Variants in PRKN observed in about 807,000 individuals in gnomAD.
PRKN encodes the protein E3 ubiquitin-protein ligase parkin.
A neutral mutation model predicts 59.5 loss-of-function variants in PRKN; 56 were observed. That is an observed-to-expected ratio of 0.94 (90% CI 0.76 to 1.18). The LOEUF (loss-of-function observed/expected upper bound fraction) is 1.18, where lower values mean the gene tolerates loss of function less well. Among genes scored for constraint, PRKN ranks in the 50% most tolerant of loss-of-function variants. The pLI, the probability that PRKN is intolerant of heterozygous loss-of-function variation, is 0.00. For missense variants in PRKN, 657 were observed against 596.4 expected, an observed-to-expected ratio of 1.10 and a Z score of -1.06; for synonymous variants, 250 against 222.1, an observed-to-expected ratio of 1.13 and a Z score of -1.12.
At chr6:162,273,403 T>C (rs1174414234) in intron 2 of PRKN, among the ~76,000 whole-genome samples, 1 of 152,124 alleles carries the variant, frequency 6.6e-6, no homozygotes, top group Non-Finnish European at 1.5e-5. Flanking sequence ...CAGAAACATA[T>C]TGAGCTGACA....
intron 1 of PRKN, among the ~76,000 whole-genome samples, chr6:162,497,639 A>G (rs1793126200): frequency 6.6e-6 from 1 of 152,226 alleles, no homozygotes; most frequent in African/African-American, 2.4e-5. Context: ...TTGTGCCTGA[A>G]TAAAGCTCTG....
chr6:162,384,358 G>A (rs757196722), intron 2 of PRKN, among the ~76,000 whole-genome samples: 4 of 152,028 alleles, frequency 2.6e-5, no homozygotes, highest in African/African-American at 9.7e-5. Flanking sequence ...TTTTGTCTCC[G>A]AGAATAGGGA....
At chr6:161,671,713 T>C (rs780718227) in intron 7 of PRKN, among the ~76,000 whole-genome samples, 2 of 152,310 alleles carry the variant, frequency 1.3e-5, no homozygotes, top group African/African-American at 2.4e-5. Flanking sequence ...GTTTTGTATA[T>C]CATTGTTTTT....
chr6:162,689,884 A>G (rs1009651683), intron 1 of PRKN, among the ~76,000 whole-genome samples: 1 of 152,204 alleles, frequency 6.6e-6, no homozygotes, highest in Non-Finnish European at 1.5e-5. Context: ...AAACAAACCA[A>G]AAACCAAAAC....
At chr6:162,521,293 C>T (rs1778071115) in intron 1 of PRKN, among the ~76,000 whole-genome samples, 1 of 152,190 alleles carries the variant, frequency 6.6e-6, no homozygotes, top group Admixed American at 6.5e-5. Flanking sequence ...TTGTAAAGAA[C>T]TGCCAACATG....
chr6:161,703,839 CTTTTTTTTTTTTTTTTTTTTTTTTT>C (rs71004062), intron 7 of PRKN, among the ~76,000 whole-genome samples: 1 of 59,842 alleles, frequency 1.7e-5, no homozygotes, highest in Non-Finnish European at 3.2e-5. Flanking sequence ...CTCTCTCTCT[CTTTTTTTTTTTTTTTTTTTTTTTTT>C]TTTTTTTTTT....
chr6:161,769,883 C>T (rs2128201880), intron 7 of PRKN, among the ~76,000 whole-genome samples: 1 of 152,200 alleles, frequency 6.6e-6, no homozygotes, highest in East Asian at 1.9e-4. Flanking sequence ...TGTGTGTGAG[C>T]CACTGATTAC....
At chr6:162,637,644 T>C (rs1422682066) in intron 1 of PRKN, among the ~76,000 whole-genome samples, 1 of 152,160 alleles carries the variant, frequency 6.6e-6, no homozygotes, top group Non-Finnish European at 1.5e-5. Context: ...GACTTCTGTA[T>C]TCTCTTTTCC....
chr6:162,285,466 T>C (rs1309775569), intron 2 of PRKN, among the ~76,000 whole-genome samples: 1 of 151,990 alleles, frequency 6.6e-6, no homozygotes. Context: ...TAGGATGACA[T>C]GGGGTTATTC....
intron 4 of PRKN, among the ~76,000 whole-genome samples, chr6:162,114,926 A>G (rs189617732): frequency 0.061 from 9,217 of 151,962 alleles, 387 homozygotes; most frequent in Admixed American, 0.12. Flanking sequence ...CCATTGTGGA[A>G]GTCAGTGTGG....
intron 2 of PRKN, among the ~76,000 whole-genome samples, chr6:162,417,093 AAC>A (rs1788667622): frequency 6.6e-6 from 1 of 152,216 alleles, no homozygotes; most frequent in Non-Finnish European, 1.5e-5. Flanking sequence ...ACAATCAAAC[AAC>A]ACAGGGTAAG....
chr6:162,395,496 C>T (rs9364652), intron 2 of PRKN, among the ~76,000 whole-genome samples: 64,482 of 151,982 alleles, frequency 0.42, 14,378 homozygotes, highest in East Asian at 0.7. Flanking sequence ...ATGAATGTAG[C>T]TCACTGACAT....
Position 162,414,534 on chromosome 6 carries a change from C to T in PRKN, c.171+28776G>A, listed in dbSNP as rs963371076. Reference sequence around the variant, plus strand: ...CATCCTGGCTAACATGGTGAAACCCCTATCTCTACTAAAATACAAAAAAAA... The same window carrying T: ...CATCCTGGCTAACATGGTGAAACCCTTATCTCTACTAAAATACAAAAAAAA... On this transcript the variant is annotated intron_variant, in intron 2 of 11. Coordinates refer to ENST00000366898, the MANE Select transcript of PRKN (RefSeq NM_004562.3). Among the ~76,000 whole-genome samples the T allele has an allele frequency of 4.0e-5, 6 of 150,982 alleles. No individual in the cohort carries two copies. The South Asian group carries it at 6.3e-4, about 16-fold the overall frequency.
chr6:161,545,180 G>T lies in PRKN; in HGVS notation c.1083+3674C>A, dbSNP rs1010574861. 18 of 1,348,032 alleles carry T rather than the reference G, an allele frequency of 1.3e-5. No individual in the cohort carries two copies. The highest frequency in any genetic ancestry group is 6.8e-5 in the Admixed American group (2 of 29,244). 83.5% of individuals were successfully genotyped at this position (1,348,032 alleles called of 1,614,324 possible). On this transcript the variant is annotated intron_variant, in intron 9 of 11. Transcript: ENST00000366898. The surrounding 1 kb of genome is among the most constrained non-coding windows in gnomAD (Gnocchi z 4.1). ...CTAACATTTCTTGCATACCCACATG[G>T]TAAGAGTTGTACTTTTTCTATCTTG...
Position 162,129,078 on chromosome 6 carries a change from A to G in PRKN, c.534+72053T>C, listed in dbSNP as rs188429122. Among the ~76,000 whole-genome samples, 241 of 152,324 alleles carry G rather than the reference A, an allele frequency of 1.6e-3. 1 individual carries two copies. Among genetic ancestry groups the G allele is most frequent in the African/African-American group, 5.6e-3 (231 of 41,572 alleles). On this transcript the variant is annotated intron_variant, in intron 4 of 11. Transcript: ENST00000366898. ...ATCTAAAGGATAACATCATATAGGG[A>G]CTGATCAAAGGGTTTTATGATCCTA...
chr6:161,479,386 C>G (rs1791280306), intron 9 of PRKN, among the ~76,000 whole-genome samples: 1 of 152,110 alleles, frequency 6.6e-6, no homozygotes, highest in South Asian at 2.1e-4. Flanking sequence ...GATTCCTGAT[C>G]TTACTGGTTT....
intron 2 of PRKN, among the ~76,000 whole-genome samples, chr6:162,404,502 G>A (rs1787964627): frequency 6.6e-6 from 1 of 152,070 alleles, no homozygotes. Flanking sequence ...TGTCCTTTAG[G>A]ATTCCAAATA....
intron 2 of PRKN, among the ~76,000 whole-genome samples, chr6:162,295,022 T>C (rs1009018003): frequency 3.3e-5 from 5 of 152,218 alleles, no homozygotes; most frequent in Admixed American, 1.3e-4. Context: ...GGAACATACA[T>C]TTAATATACA....
In PRKN at chr6:161,594,244, T is replaced by C. The variant is rs1781834196; in HGVS notation, c.872-24828A>G. ...AATCAATTTAACACTCTTCAAGATGTAGAAATCAACAAAAATTGGTTCATC... is the reference window on the plus strand; with the variant it reads ...AATCAATTTAACACTCTTCAAGATGCAGAAATCAACAAAAATTGGTTCATC... On this transcript the variant is annotated intron_variant, in intron 7 of 11. Transcript: ENST00000366898. 2.0e-5 allele frequency among the ~76,000 whole-genome samples: 3 copies of C among 152,174 alleles called. No homozygotes were observed. In the South Asian group the frequency reaches 6.2e-4, roughly 31 times the overall value.
Sources: allele counts gnomAD v4.1 joint callset (sites outside exome capture counted in the v4.1 genomes callset), GRCh38; gene constraint gnomAD v4.1.1; non-coding constraint Gnocchi (gnomAD v3.1); transcripts MANE v1.5; gene names NCBI Gene and HGNC (gene_info 2026-07-23, HGNC 2026-07-21).